Variants in THAP6 observed in about 807,000 individuals in gnomAD.
THAP6 encodes the protein THAP domain-containing protein 6.
THAP6 carries 13 observed loss-of-function variants against 20.0 expected under a neutral mutation model. That is an observed-to-expected ratio of 0.65 (90% CI 0.42 to 1.03). THAP6 has a LOEUF of 1.03. THAP6 is among the 50% of genes least tolerant of loss of function. The pLI is 0.00. For missense variants in THAP6, 262 were observed against 261.6 expected, an observed-to-expected ratio of 1.00 and a Z score of -0.01; for synonymous variants, 93 against 92.2, an observed-to-expected ratio of 1.01 and a Z score of -0.05.
chr4:75,539,889 G>A, intron 2 of THAP6: 1 of 1,536,054 alleles, frequency 6.5e-7, no homozygotes, highest in Non-Finnish European at 8.7e-7. Flanking sequence ...AGAACAGGAA[G>A]AAGAACAAAA....
In THAP6 at chr4:75,529,585, T is replaced by C; in HGVS notation, c.*2371T>C. The C allele has an allele frequency of 3.0e-6, 3 of 985,418 alleles. No individual in the cohort carries two copies. Among genetic ancestry groups the C allele is most frequent in the Non-Finnish European group, 3.6e-6 (3 of 829,946 alleles). 61.0% of individuals were successfully genotyped at this position (985,418 alleles called of 1,614,324 possible). A position where few individuals can be genotyped will look rare whatever the true frequency, so the allele number is the denominator to read the frequency against. Reference sequence around the variant, plus strand: ...GCTCCAAACAAATGCCTAAACACAGTATGTATCTCAGTCCTCTGTTCCCAG... The same window carrying C: ...GCTCCAAACAAATGCCTAAACACAGCATGTATCTCAGTCCTCTGTTCCCAG... On this transcript the variant is annotated 3_prime_UTR_variant, in exon 5 of 5. Transcript: ENST00000311638.
At chr4:75,532,876 C>T (rs958823763), downstream of THAP6, among the ~76,000 whole-genome samples, 5 of 152,176 alleles carry the variant, frequency 3.3e-5, no homozygotes, top group African/African-American at 1.2e-4. Flanking sequence ...GGACCCTGGG[C>T]CTGGCCCACA....
chr4:75,517,159 A>AGGCACCTGCCAC, intron 3 of THAP6, 180 bp downstream of exon 3: 2 of 521,394 alleles, frequency 3.8e-6, no homozygotes, highest in Non-Finnish European at 6.7e-6. Flanking sequence ...CTGGGATTAC[A>AGGCACCTGCCAC]GGCACCTGCC....
At chr4:75,523,500 G>T (rs985719858) in intron 4 of THAP6, among the ~76,000 whole-genome samples, 5 of 152,030 alleles carry the variant, frequency 3.3e-5, no homozygotes, top group African/African-American at 7.2e-5. Flanking sequence ...GTGCTTGTGG[G>T]ATATTACTCA....
intron 2 of THAP6, among the ~76,000 whole-genome samples, chr4:75,540,255 CTCAG>C (rs1210888029): frequency 1.3e-5 from 2 of 152,198 alleles, no homozygotes; most frequent in Non-Finnish European, 2.9e-5. Flanking sequence ...CACCATTTAG[CTCAG>C]TCAATTTTTT....
At chr4:75,534,295 A>G (rs1726788040), downstream of THAP6, among the ~76,000 whole-genome samples, 1 of 152,230 alleles carries the variant, frequency 6.6e-6, no homozygotes, top group Admixed American at 6.5e-5. Flanking sequence ...AAACCTGACA[A>G]AAACAAGAAA....
rs1726473947 is a variant in THAP6 at position 75,527,815 on chromosome 4, C to T, written c.*601C>T. 2.0e-6 allele frequency: 2 copies of T among 985,918 alleles called. No homozygotes were observed. Among genetic ancestry groups the T allele is most frequent in the Non-Finnish European group, 1.2e-6 (1 of 830,404 alleles). 61.1% of individuals were successfully genotyped at this position (985,918 alleles called of 1,614,324 possible). A position where few individuals can be genotyped will look rare whatever the true frequency, so the allele number is the denominator to read the frequency against. On this transcript the variant is annotated 3_prime_UTR_variant, in exon 5 of 5. Transcript: ENST00000311638. ...TCACAGCCAATTTAAGAAGACCCCT[C>T]ATGAAGTCTCAGTTTTCAGTACAGT... is the stretch of plus-strand genomic sequence containing the variant.
At chr4:75,530,827 C>T (rs903286796), downstream of THAP6, among the ~76,000 whole-genome samples, 3 of 152,158 alleles carry the variant, frequency 2.0e-5, no homozygotes, top group African/African-American at 7.2e-5. Flanking sequence ...CAGGGCTACT[C>T]GTTGGTTGAA....
downstream of THAP6, among the ~76,000 whole-genome samples, chr4:75,532,268 A>G (rs1484842839): frequency 6.6e-6 from 1 of 152,252 alleles, no homozygotes; most frequent in African/African-American, 2.4e-5. Flanking sequence ...TCTGAAGTCC[A>G]GCAGGGCAGG....
At chr4:75,536,715 C>A (rs1256433157) in intron 2 of THAP6, among the ~76,000 whole-genome samples, 1 of 151,976 alleles carries the variant, frequency 6.6e-6, no homozygotes, top group Admixed American at 6.6e-5. Flanking sequence ...ACCATGTTGC[C>A]CAGGCTGGTC....
At chr4:75,521,907 A>T in intron 4 of THAP6, 46 bp downstream of exon 4, 1 of 1,610,128 alleles carries the variant, frequency 6.2e-7, no homozygotes, top group Non-Finnish European at 8.5e-7. Context: ...TTTAAGATGA[A>T]TATGTCCTCT....
At chr4:75,547,208 G>T (rs1727144960) in intron 3 of THAP6, among the ~76,000 whole-genome samples, 1 of 152,132 alleles carries the variant, frequency 6.6e-6, no homozygotes, top group Non-Finnish European at 1.5e-5. Context: ...GTGTCACTGT[G>T]CCAAGCCCTG....
intron 3 of THAP6, among the ~76,000 whole-genome samples, chr4:75,545,397 C>T (rs914569142): frequency 6.6e-6 from 1 of 152,230 alleles, no homozygotes; most frequent in Non-Finnish European, 1.5e-5. Context: ...CAGGCTCCTG[C>T]TCTGCAAACT....
chr4:75,513,955 C>A, upstream of THAP6: 1 of 425,952 alleles, frequency 2.3e-6, no homozygotes, highest in Non-Finnish European at 4.0e-6. Flanking sequence ...GCAGAGACCA[C>A]TGTGCAAGCC....
chr4:75,533,852 G>A (rs188509615), downstream of THAP6, among the ~76,000 whole-genome samples: 52 of 151,978 alleles, frequency 3.4e-4, no homozygotes, highest in East Asian at 0.01. Context: ...ATGTTGGTGT[G>A]CTGCATCCAT....
intron 3 of THAP6, among the ~76,000 whole-genome samples, chr4:75,545,399 C>T (rs1211236287): frequency 6.6e-6 from 1 of 152,198 alleles, no homozygotes; most frequent in Non-Finnish European, 1.5e-5. Flanking sequence ...GGCTCCTGCT[C>T]TGCAAACTGA....
chr4:75,527,587 A>G lies in THAP6; in HGVS notation c.*373A>G, dbSNP rs914182666. On this transcript the variant is annotated 3_prime_UTR_variant, in exon 5 of 5. Coordinates refer to ENST00000311638, the MANE Select transcript of THAP6 (RefSeq NM_144721.6). ...GCTTCAAAGGAGTACCTTTACTTAC[A>G]TGTGCTTTATGGTAAGTACATTGAA... is the stretch of plus-strand genomic sequence containing the variant. 8 of 1,030,804 alleles carry G rather than the reference A, an allele frequency of 7.8e-6. No individual in the cohort carries two copies. The highest frequency in any genetic ancestry group is 1.7e-5 in the African/African-American group (1 of 58,688). The allele number at this position is 1,030,804 out of a possible 1,614,324, so 63.9% of individuals were successfully genotyped here. A position where few individuals can be genotyped will look rare whatever the true frequency, so the allele number is the denominator to read the frequency against.
chr4:75,527,588 T>C lies in THAP6; in HGVS notation c.*374T>C. On this transcript the variant is annotated 3_prime_UTR_variant, in exon 5 of 5. Coordinates refer to ENST00000311638, the MANE Select transcript of THAP6 (RefSeq NM_144721.6). ...CTTCAAAGGAGTACCTTTACTTACA[T>C]GTGCTTTATGGTAAGTACATTGAAT... 1 of 1,031,300 alleles carries C rather than the reference T, an allele frequency of 9.7e-7. No individual in the cohort carries two copies. Among genetic ancestry groups the C allele is most frequent in the Non-Finnish European group, 1.2e-6 (1 of 857,288 alleles). The allele number at this position is 1,031,300 out of a possible 1,614,324, so 63.9% of individuals were successfully genotyped here.
rs372746309 is a variant in THAP6, at chr4:75,520,102, T to C, written c.289-1634T>C. 2.2e-4 allele frequency among the ~76,000 whole-genome samples: 33 copies of C among 152,340 alleles called. No homozygotes were observed. In the East Asian group the frequency reaches 5.0e-3, roughly 23 times the overall value. On this transcript the variant is annotated intron_variant, in intron 3 of 4. Coordinates refer to ENST00000311638, the MANE Select transcript of THAP6 (RefSeq NM_144721.6). The stretch of plus-strand genomic sequence containing the variant: ...CAGTGATGGTGAGCATTTTTTCATG[T>C]GTTTTTTGGCTGCGTAAATATCTTC...
Sources: gnomAD v4.1 joint callset for allele counts (sites outside exome capture counted in the v4.1 genomes callset) on GRCh38, gnomAD v4.1.1 for gene constraint, MANE v1.5 for transcripts, NCBI Gene and HGNC (gene_info 2026-07-23, HGNC 2026-07-21) for gene names.